Variants in MDN1 observed in about 807,000 individuals in gnomAD.
The protein encoded by MDN1 is midasin AAA ATPase 1.
In MDN1, 266 loss-of-function variants were observed where a neutral mutation model predicts 669.2. The observed-to-expected ratio is 0.40, with a 90% CI of 0.36 to 0.44. The LOEUF is 0.44. MDN1 is among the 20% of genes least tolerant of loss of function. The pLI is 1.00. For synonymous variants in MDN1, 2,385 were observed against 2,457.1 expected, an observed-to-expected ratio of 0.97 and a Z score of 0.87; for missense variants, 5,940 against 6,754.0, an observed-to-expected ratio of 0.88 and a Z score of 4.22.
Position 89,781,557 on chromosome 6 carries a change from C to T in MDN1, c.1485G>A (p.Val495=), listed in dbSNP as rs1319257325. The T allele has an allele frequency of 6.2e-7, 1 of 1,612,558 alleles. No homozygotes were observed. Among genetic ancestry groups the T allele is most frequent in the African/African-American group, 1.3e-5 (1 of 74,850 alleles). ...TATAAATGTCAAGCAGGTGATCAACCACTGCCAATAGGCTAGGATATCTGC... is the reference window on the plus strand; with the variant it reads ...TATAAATGTCAAGCAGGTGATCAACTACTGCCAATAGGCTAGGATATCTGC... ...LQSRYPSLLA[V]VDHLLDIYIQ... Residue 495 remains valine (V), a synonymous_variant, in exon 10 of 102, where the codon GTG becomes GTA. Coordinates refer to ENST00000369393, the MANE Select transcript of MDN1 (RefSeq NM_014611.3).
chr6:89,690,975 T>C lies in MDN1; in HGVS notation c.10588-141A>G, dbSNP rs1414369920. ...AAAGCCAACATCCAAGAAACTAAAT[T>C]CCATGGAATAAAGAGCAAATGGGTT... On this transcript the variant is annotated intron_variant, in intron 63 of 101. Transcript: ENST00000369393. 2.9e-6 allele frequency: 3 copies of C among 1,032,148 alleles called. No individual in the cohort carries two copies. The Admixed American group carries it at 8.6e-5, about 30-fold the overall frequency. 63.9% of individuals were successfully genotyped at this position (1,032,148 alleles called of 1,614,324 possible).
intron 83 of MDN1, among the ~76,000 whole-genome samples, chr6:89,670,120 G>T (rs1281101975): frequency 4.2e-5 from 5 of 118,792 alleles, no homozygotes; most frequent in Non-Finnish European, 8.1e-5. Context: ...CAATTTTGGA[G>T]ACTCTGTCTC....
At position 89,652,278 on chromosome 6, in the gene MDN1, AG is replaced by A; in HGVS notation, c.15828del (p.Leu5278Ter). On this transcript the variant is annotated frameshift_variant and splice_region_variant, in exon 95 of 102. Transcript: ENST00000369393. LOFTEE classifies it high-confidence loss of function. ...CTTAGCTCATTGACATCTTTTAAAAAGGGCTAAAAAGAAAAAGCCATAGATA... is the reference window on the plus strand; with the variant it reads ...CTTAGCTCATTGACATCTTTTAAAAAGGCTAAAAAGAAAAAGCCATAGATA... Reference protein sequence around the residue: ...HQFLMDTIFQPFLKDVNELRQ... With the variant: ...HQFLMDTIFQXFLKDVNELRQ... 1 of 1,611,830 alleles carries A rather than the reference AG, an allele frequency of 6.2e-7. No individual in the cohort carries two copies. The highest frequency in any genetic ancestry group is 8.5e-7 in the Non-Finnish European group (1 of 1,179,434).
chr6:89,712,074 C>A lies in MDN1; in HGVS notation c.7613G>T (p.Trp2538Leu), dbSNP rs1184504077. Reference protein sequence around the residue: ...TNQDWMLRVKWLYHLAKNIPQ... With the variant: ...TNQDWMLRVKLLYHLAKNIPQ... ...TATATTCTTGGCTAAATGATAAAGC[C>A]ATTTAACTCTGAGCATCCAATCCTG... is the stretch of plus-strand genomic sequence containing the variant. Residue 2538 changes from tryptophan (W) to leucine (L), a missense_variant, in exon 49 of 102, where the codon TGG becomes TTG. Trp to Leu is a moderately conservative substitution (Grantham distance 61, BLOSUM62 -2). Around this residue, in one of 5 missense-constraint regions of MDN1, gnomAD observed 2,292 missense variants for 2,638.3 expected, o/e 0.87. Transcript: ENST00000369393. 6.2e-7 allele frequency: 1 copy of A among 1,613,996 alleles called. No individual in the cohort carries two copies. Among genetic ancestry groups the A allele is most frequent in the African/African-American group, 1.3e-5 (1 of 74,924 alleles).
chr6:89,746,714 G>C (rs1036724377), intron 27 of MDN1, among the ~76,000 whole-genome samples: 1 of 151,364 alleles, frequency 6.6e-6, no homozygotes, highest in African/African-American at 2.4e-5. Context: ...AAAATCTCTT[G>C]TACTAGTTTT....
At chr6:89,724,217 G>T (rs1013990527) in intron 38 of MDN1, among the ~76,000 whole-genome samples, 2 of 152,040 alleles carry the variant, frequency 1.3e-5, no homozygotes, top group Non-Finnish European at 2.9e-5. Flanking sequence ...AAATCTGGGT[G>T]GTAGATACGA....
intron 31 of MDN1, 120 bp downstream of exon 31, chr6:89,743,030 T>A (rs566613506): frequency 2.7e-5 from 33 of 1,236,538 alleles, no homozygotes; most frequent in Admixed American, 1.2e-4. Flanking sequence ...TACAGTGAAC[T>A]ATGATCATGA....
At chr6:89,734,691 A>AAACGAGAGAGAGAG (rs1554188774) in intron 33 of MDN1, among the ~76,000 whole-genome samples, 3 of 112,996 alleles carry the variant, frequency 2.7e-5, no homozygotes, top group African/African-American at 3.5e-5. Context: ...AAAAAAAAAC[A>AAACGAGAGAGAGAG]AGAGAGAGAG....
At chr6:89,744,270 C>T (rs1334505316) in intron 29 of MDN1, among the ~76,000 whole-genome samples, 1 of 152,046 alleles carries the variant, frequency 6.6e-6, no homozygotes, top group Non-Finnish European at 1.5e-5. Flanking sequence ...AAACTGCCCT[C>T]AATGCAATGA....
Position 89,690,125 on chromosome 6 carries a change from C to T in MDN1, c.10768G>A (p.Val3590Met). Reference sequence around the variant, plus strand: ...TTGTTCTCCTCCAACGTTGGCTGCACCAAAATATCTGCAAAGTCCTATAAA... The same window carrying T: ...TTGTTCTCCTCCAACGTTGGCTGCATCAAAATATCTGCAAAGTCCTATAAA... ...LHEKDFADIL[V>M]QPTLEENKGT... Residue 3590 changes from valine to methionine, a missense_variant, in exon 65 of 102, where the codon GTG (valine) becomes ATG (methionine). Around this residue, in one of 5 missense-constraint regions of MDN1, gnomAD observed 2,280 missense variants for 2,576.3 expected, o/e 0.88. Coordinates refer to ENST00000369393, the MANE Select transcript of MDN1 (RefSeq NM_014611.3). 9.9e-6 allele frequency: 16 copies of T among 1,613,938 alleles called. No homozygotes were observed. The highest frequency in any genetic ancestry group is 1.3e-5 in the Non-Finnish European group (15 of 1,179,976).
chr6:89,780,322 C>T, intron 10 of MDN1, 29 bp from the exon 11 acceptor site: 1 of 1,454,236 alleles, frequency 6.9e-7, no homozygotes. Context: ...AAAGAAAAAA[C>T]AAAGAAAAGA....
intron 73 of MDN1, among the ~76,000 whole-genome samples, chr6:89,681,705 T>C (rs1459248379): frequency 1.3e-5 from 2 of 152,228 alleles, no homozygotes; most frequent in African/African-American, 4.8e-5. Flanking sequence ...GCTCAGTTTC[T>C]ATTATGAGTT....
chr6:89,664,594 T>C lies in MDN1; in HGVS notation c.14129A>G (p.Asp4710Gly). Residue 4710 changes from aspartate to glycine, a missense_variant, in exon 85 of 102, where the codon GAC (aspartate) becomes GGC (glycine). Asp to Gly is a moderately conservative substitution (Grantham distance 94). Around this residue, in one of 5 missense-constraint regions of MDN1, gnomAD observed 2,280 missense variants for 2,576.3 expected, o/e 0.88. Transcript: ENST00000369393. The part of the protein sequence containing the change: ...EDTFQKGQEK[D>G]KEDPDSKSDI... ...AGATTTTGAATCAGGATCCTCTTTGTCTTTTTCTTGACCCTTCTGAAATGT... is the reference window on the plus strand; with the variant it reads ...AGATTTTGAATCAGGATCCTCTTTGCCTTTTTCTTGACCCTTCTGAAATGT... The C allele has an allele frequency of 5.6e-6, 9 of 1,613,238 alleles. No homozygotes were observed. The highest frequency in any genetic ancestry group is 7.6e-6 in the Non-Finnish European group (9 of 1,179,218).
At chr6:89,715,138 C>T (rs1409355839) in intron 45 of MDN1, among the ~76,000 whole-genome samples, 3 of 152,184 alleles carry the variant, frequency 2.0e-5, no homozygotes, top group African/African-American at 7.2e-5. Context: ...AGTTATCTTA[C>T]ACCTCTGATG....
intron 87 of MDN1, 21 bp from the exon 88 acceptor site, chr6:89,661,599 C>T (rs750357431): frequency 1.3e-6 from 2 of 1,589,036 alleles, no homozygotes; most frequent in South Asian, 2.3e-5. Context: ...ATGGAGACAA[C>T]AGGGATAAAA....
intron 83 of MDN1, among the ~76,000 whole-genome samples, chr6:89,670,164 A>ATTTTTTTTTT (rs1234314950): frequency 1.1e-4 from 2 of 18,260 alleles, no homozygotes; most frequent in African/African-American, 5.1e-4. Context: ...ATATATATAT[A>ATTTTTTTTTT]TATATATTTT....
In MDN1 at chr6:89,787,968, T is replaced by C. The variant is rs1819053728; in HGVS notation, c.1231-11A>G. ...GATCAGCACAGAAACCTAAATCAGA[T>C]AACAACAACCGCACTGATAAAGTAA... is the stretch of plus-strand genomic sequence containing the variant. On this transcript the variant is annotated splice_polypyrimidine_tract_variant and intron_variant, in intron 7 of 101. Coordinates refer to ENST00000369393, the MANE Select transcript of MDN1 (RefSeq NM_014611.3). 6.3e-7 allele frequency: 1 copy of C among 1,592,784 alleles called. No individual in the cohort carries two copies. The highest frequency in any genetic ancestry group is 8.6e-7 in the Non-Finnish European group (1 of 1,162,498).
Position 89,658,375 on chromosome 6 carries a change from G to A in MDN1, c.15022-5C>T, listed in dbSNP as rs756903721. On this transcript the variant is annotated splice_polypyrimidine_tract_variant and splice_region_variant and intron_variant, in intron 89 of 101. Transcript: ENST00000369393. ...GTCCTCCCGTTCTTCTTCCTCCTTCGGCAGAGAAATCAAACACAGCATTAA... is the reference window on the plus strand; with the variant it reads ...GTCCTCCCGTTCTTCTTCCTCCTTCAGCAGAGAAATCAAACACAGCATTAA... The A allele has an allele frequency of 2.3e-5, 37 of 1,613,760 alleles. No individual in the cohort carries two copies. The highest frequency in any genetic ancestry group is 1.8e-4 in the South Asian group (16 of 91,084).
Position 89,722,918 on chromosome 6 carries a change from G to T in MDN1, c.5967+37C>A, listed in dbSNP as rs187971102. The T allele has an allele frequency of 1.9e-6, 3 of 1,552,274 alleles. No homozygotes were observed. The Admixed American group carries it at 5.7e-5, about 29-fold the overall frequency. ...CTCACCCACAGGAAATCAACTTTCA[G>T]ATGGAAAGAAATACAAATACCAAGC... On this transcript the variant is annotated intron_variant, in intron 40 of 101. Coordinates refer to ENST00000369393, the MANE Select transcript of MDN1 (RefSeq NM_014611.3).
Sources: gnomAD v4.1 joint callset for allele counts (sites outside exome capture counted in the v4.1 genomes callset) on GRCh38, gnomAD v4.1.1 for gene constraint, gnomAD v4.1.1 regional missense constraint, MANE v1.5 for transcripts, NCBI Gene and HGNC (gene_info 2026-07-23, HGNC 2026-07-21) for gene names.